The following WNT2 variants were observed in gnomAD, a reference collection of about 807,000 sequenced individuals.
WNT2 encodes protein Wnt-2.
A neutral mutation model predicts 36.9 loss-of-function variants in WNT2; 12 were observed. The observed-to-expected ratio is 0.33, with a 90% CI of 0.21 to 0.53. The LOEUF is 0.53. Ranked by LOEUF, WNT2 falls within the 20% of genes least tolerant of loss-of-function variation. The probability of loss-of-function intolerance (pLI) is 0.95; values close to 1 mark genes in which losing one functional copy is unlikely to be tolerated. For synonymous variants in WNT2, 163 were observed against 174.6 expected, an observed-to-expected ratio of 0.93 and a Z score of 0.52; for missense variants, 379 against 473.1, an observed-to-expected ratio of 0.80 and a Z score of 1.84.
intron 3 of WNT2, among the ~76,000 whole-genome samples, chr7:117,311,927 T>C (rs899274597): frequency 6.6e-6 from 1 of 152,214 alleles, no homozygotes; most frequent in African/African-American, 2.4e-5. Flanking sequence ...AAGTCCCATG[T>C]TCTTTTCTAT....
chr7:117,301,501 T>A (rs1048577595), intron 3 of WNT2, among the ~76,000 whole-genome samples: 4 of 152,166 alleles, frequency 2.6e-5, no homozygotes, highest in African/African-American at 9.6e-5. Flanking sequence ...ATAACAACCA[T>A]GTATTGAGTG....
At chr7:117,309,599 G>T (rs1427615331) in intron 3 of WNT2, among the ~76,000 whole-genome samples, 1 of 152,064 alleles carries the variant, frequency 6.6e-6, no homozygotes, top group Non-Finnish European at 1.5e-5. Flanking sequence ...TACCCCTGAG[G>T]CTTGCTTACC....
chr7:117,320,434 A>G, intron 2 of WNT2, 133 bp downstream of exon 2: 1 of 862,856 alleles, frequency 1.2e-6, no homozygotes, highest in Non-Finnish European at 1.8e-6. Context: ...TAGAACAGGG[A>G]CAATGACGCC....
At chr7:117,294,519 G>A (rs1466559751) in intron 4 of WNT2, among the ~76,000 whole-genome samples, 1 of 147,660 alleles carries the variant, frequency 6.8e-6, no homozygotes, top group African/African-American at 2.5e-5. Context: ...CATTAACTAA[G>A]TACAGTTCAA....
At chr7:117,318,281 T>C (rs1196400940) in intron 2 of WNT2, among the ~76,000 whole-genome samples, 3 of 152,356 alleles carry the variant, frequency 2.0e-5, no homozygotes, top group East Asian at 1.9e-4. Context: ...GATAGCTTCA[T>C]TGGAATTTCT....
chr7:117,280,207 C>G (rs138082281), intron 4 of WNT2, among the ~76,000 whole-genome samples: 1 of 152,132 alleles, frequency 6.6e-6, no homozygotes, highest in Non-Finnish European at 1.5e-5. Flanking sequence ...GAGCCTGCAT[C>G]GTGCTGAAGA....
chr7:117,281,216 C>T (rs1794483165), intron 4 of WNT2, among the ~76,000 whole-genome samples: 1 of 152,078 alleles, frequency 6.6e-6, no homozygotes, highest in African/African-American at 2.4e-5. Flanking sequence ...GCTGGAGCAA[C>T]AGGTTAAAGG....
At chr7:117,299,214 C>T (rs1794854478) in intron 3 of WNT2, among the ~76,000 whole-genome samples, 1 of 152,162 alleles carries the variant, frequency 6.6e-6, no homozygotes, top group Non-Finnish European at 1.5e-5. Flanking sequence ...CACAGGATGG[C>T]CTGGATGGCA....
intron 4 of WNT2, among the ~76,000 whole-genome samples, chr7:117,280,477 G>A (rs762545978): frequency 5.9e-5 from 9 of 152,256 alleles, no homozygotes; most frequent in Non-Finnish European, 8.8e-5. Flanking sequence ...TCTATATGGC[G>A]CAGAGTTAAA....
rs149208412 is a variant in WNT2 at position 117,299,549 on chromosome 7, G to A, written c.589-1673C>T. ...ACCCTGCTGCCCAGGCTGGAGTGGA[G>A]TGGTGTGACTGTAGCTCACTGCGGC... On this transcript the variant is annotated intron_variant, in intron 3 of 4. Transcript: ENST00000265441. Among the ~76,000 whole-genome samples, 681 of 149,934 alleles carry A rather than the reference G, an allele frequency of 4.5e-3. 10 individuals carry two copies. The highest frequency in any genetic ancestry group is 0.016 in the African/African-American group (642 of 40,594).
intron 3 of WNT2, among the ~76,000 whole-genome samples, chr7:117,301,799 ATTCT>A: frequency 7.5e-6 from 1 of 133,320 alleles, no homozygotes; most frequent in South Asian, 2.3e-4. Flanking sequence ...GTTTCCCTCC[ATTCT>A]TTTTTTTTTT....
At chr7:117,291,685 A>G (rs1436745981) in intron 4 of WNT2, among the ~76,000 whole-genome samples, 1 of 152,168 alleles carries the variant, frequency 6.6e-6, no homozygotes, top group Non-Finnish European at 1.5e-5. Context: ...CAGAGCACTC[A>G]CTTTCTTCAG....
rs1795192154 is a variant in WNT2, at chr7:117,315,138, G to C, written c.521C>G (p.Ala174Gly). The change falls in exon 3 of 5, where the codon GCA (alanine) becomes GGA (glycine). Residue 174 changes from alanine to glycine, a missense_variant. By Grantham distance (60) the Ala-to-Gly change is moderately conservative. Coordinates refer to ENST00000265441, the MANE Select transcript of WNT2 (RefSeq NM_003391.3). ...GIKFARAFVD[A>G]KERKGKDARA... ...GGCATCCTTTCCTTTCCTTTCCTTTGCATCCACAAATGCGCGGGCAAATTT... is the reference window on the plus strand; with the variant it reads ...GGCATCCTTTCCTTTCCTTTCCTTTCCATCCACAAATGCGCGGGCAAATTT... The C allele has an allele frequency of 6.2e-7, 1 of 1,613,894 alleles. No homozygotes were observed. The highest frequency in any genetic ancestry group is 1.7e-5 in the Admixed American group (1 of 59,988).
At chr7:117,312,849 C>T (rs1368799317) in intron 3 of WNT2, among the ~76,000 whole-genome samples, 1 of 152,112 alleles carries the variant, frequency 6.6e-6, no homozygotes, top group Admixed American at 6.5e-5. Context: ...AATTAAGGCC[C>T]GTTATGAATG....
chr7:117,281,014 C>T (rs1404024423), intron 4 of WNT2, among the ~76,000 whole-genome samples: 1 of 152,172 alleles, frequency 6.6e-6, no homozygotes, highest in Non-Finnish European at 1.5e-5. Flanking sequence ...ATAGATCCAT[C>T]AACTGCACAG....
chr7:117,312,118 T>C (rs1795132378), intron 3 of WNT2, among the ~76,000 whole-genome samples: 1 of 152,194 alleles, frequency 6.6e-6, no homozygotes, highest in African/African-American at 2.4e-5. Context: ...ATTTCATTAT[T>C]TCATCTTAGA....
At chr7:117,298,649 G>A (rs994996471) in intron 3 of WNT2, among the ~76,000 whole-genome samples, 17 of 152,214 alleles carry the variant, frequency 1.1e-4, no homozygotes, top group African/African-American at 3.9e-4. Context: ...CCTGTGGAGA[G>A]GAGAGGGGAC....
chr7:117,278,840 G>C (rs561525655), intron 4 of WNT2, among the ~76,000 whole-genome samples: 1 of 152,322 alleles, frequency 6.6e-6, no homozygotes, highest in African/African-American at 2.4e-5. Context: ...AGGGCATGGA[G>C]CCCTCAAAGG....
At chr7:117,279,520 A>G (rs891171110) in intron 4 of WNT2, among the ~76,000 whole-genome samples, 1 of 152,212 alleles carries the variant, frequency 6.6e-6, no homozygotes, top group Non-Finnish European at 1.5e-5. Flanking sequence ...TGGCAGCTGT[A>G]CACCATGGTG....
Sources: gnomAD v4.1 joint callset for allele counts (sites outside exome capture counted in the v4.1 genomes callset) on GRCh38, gnomAD v4.1.1 for gene constraint, MANE v1.5 for transcripts, NCBI Gene and HGNC (gene_info 2026-07-23, HGNC 2026-07-21) for gene names.